Variants in MACROD2 observed in about 807,000 individuals in gnomAD.
MACROD2 encodes the protein mono-ADP ribosylhydrolase 2.
A neutral mutation model predicts 70.4 loss-of-function variants in MACROD2; 36 were observed. The observed-to-expected ratio is 0.51, with a 90% CI of 0.39 to 0.68. MACROD2 has a LOEUF of 0.68. Among genes scored for constraint, MACROD2 ranks in the 30% least tolerant of loss-of-function variants. The probability of loss-of-function intolerance (pLI) is 0.00; values close to 1 mark genes in which losing one functional copy is unlikely to be tolerated. For missense variants in MACROD2, 496 were observed against 538.4 expected (o/e 0.92, Z 0.78); for synonymous variants, 172 against 178.8 (o/e 0.96, Z 0.30).
intron 4 of MACROD2, among the ~76,000 whole-genome samples, chr20:14,618,458 G>C (rs1383868158): frequency 6.6e-6 from 1 of 152,114 alleles, no homozygotes; most frequent in Admixed American, 6.5e-5. Context: ...TAGGATTGCT[G>C]TGAGGATTAC....
intron 3 of MACROD2, chr20:14,327,084 A>G (rs2122580935): frequency 6.2e-7 from 1 of 1,613,814 alleles, no homozygotes; most frequent in East Asian, 2.2e-5. Context: ...TGCTAACTGC[A>G]GAGACAGAGT....
chr20:15,249,919 C>G (rs1945122294), intron 6 of MACROD2, among the ~76,000 whole-genome samples: 1 of 152,130 alleles, frequency 6.6e-6, no homozygotes, highest in Admixed American at 6.6e-5. Context: ...ATTATTTTTC[C>G]CTTTATATGT....
chr20:15,765,660 A>G (rs1411334427), intron 8 of MACROD2, among the ~76,000 whole-genome samples: 1 of 152,228 alleles, frequency 6.6e-6, no homozygotes, highest in Non-Finnish European at 1.5e-5. Flanking sequence ...AAAACATAAA[A>G]AGTTAATGAG....
intron 8 of MACROD2, among the ~76,000 whole-genome samples, chr20:15,785,527 G>C (rs1418249674): frequency 6.6e-6 from 1 of 152,126 alleles, no homozygotes; most frequent in African/African-American, 2.4e-5. Flanking sequence ...AAGGCAAACA[G>C]AAAAAGAGGG....
chr20:15,135,975 A>G (rs1284746321), intron 5 of MACROD2, among the ~76,000 whole-genome samples: 1 of 149,202 alleles, frequency 6.7e-6, no homozygotes, highest in Non-Finnish European at 1.5e-5. Flanking sequence ...CTTCAAAGAG[A>G]ATAACATACC....
chr20:15,036,959 ATAATCT>A (rs1170792725), intron 5 of MACROD2, among the ~76,000 whole-genome samples: 1 of 151,654 alleles, frequency 6.6e-6, no homozygotes, highest in African/African-American at 2.4e-5. Flanking sequence ...TAATTATAAA[ATAATCT>A]TTATGTGTTC....
At chr20:14,354,681 C>T (rs562671120) in intron 3 of MACROD2, among the ~76,000 whole-genome samples, 2 of 152,210 alleles carry the variant, frequency 1.3e-5, no homozygotes, top group African/African-American at 4.8e-5. Context: ...TGCTGAGGTT[C>T]GGGGTACAAA....
At chr20:14,884,040 C>T (rs1348499519) in intron 5 of MACROD2, among the ~76,000 whole-genome samples, 2 of 152,120 alleles carry the variant, frequency 1.3e-5, no homozygotes, top group Non-Finnish European at 2.9e-5. Flanking sequence ...TAACTCCTTT[C>T]AGGATCATCC....
At chr20:16,003,448 C>T (rs1412085835) in intron 15 of MACROD2, among the ~76,000 whole-genome samples, 1 of 151,962 alleles carries the variant, frequency 6.6e-6, no homozygotes, top group East Asian at 1.9e-4. Context: ...AGCAAATAAG[C>T]AGAGTTTGGA....
intron 4 of MACROD2, among the ~76,000 whole-genome samples, chr20:14,606,081 G>A (rs1462943530): frequency 6.6e-6 from 1 of 152,102 alleles, no homozygotes; most frequent in South Asian, 2.1e-4. Context: ...AATAGAATGG[G>A]CGCTTGTTAC....
At chr20:14,402,687 C>T (rs2083650088) in intron 3 of MACROD2, among the ~76,000 whole-genome samples, 1 of 152,132 alleles carries the variant, frequency 6.6e-6, no homozygotes. Context: ...ACTTGATGCC[C>T]TTTTCTTTAG....
chr20:14,679,618 A>G (rs1000678377), intron 4 of MACROD2, among the ~76,000 whole-genome samples: 7 of 152,196 alleles, frequency 4.6e-5, no homozygotes, highest in Non-Finnish European at 8.8e-5. Flanking sequence ...TAGATTAGAG[A>G]ATTTTAAACT....
At chr20:14,897,604 C>G (rs1471091964) in intron 5 of MACROD2, among the ~76,000 whole-genome samples, 1 of 151,802 alleles carries the variant, frequency 6.6e-6, no homozygotes, top group African/African-American at 2.4e-5. Flanking sequence ...TTTCAAACAA[C>G]AGAAATTGAC....
intron 4 of MACROD2, among the ~76,000 whole-genome samples, chr20:14,518,338 T>C (rs2085126250): frequency 1.3e-5 from 2 of 152,174 alleles, no homozygotes; most frequent in South Asian, 2.1e-4. Flanking sequence ...ACAAAGACTG[T>C]CTTTTCTTCA....
At chr20:15,560,790 A>AAAAAAAAAAAAAAAAAC (rs2048233233) in intron 8 of MACROD2, among the ~76,000 whole-genome samples, 1 of 148,828 alleles carries the variant, frequency 6.7e-6, no homozygotes. Flanking sequence ...AAAAAAAAAA[A>AAAAAAAAAAAAAAAAAC]AGACTGATCA....
chr20:15,510,019 A>AC (rs557463065), intron 8 of MACROD2, among the ~76,000 whole-genome samples: 2 of 152,038 alleles, frequency 1.3e-5, no homozygotes, highest in South Asian at 2.1e-4. Flanking sequence ...ATGATTACCA[A>AC]CCCCCATATG....
At position 14,226,888 on chromosome 20, in the gene MACROD2, G is replaced by A. The variant is rs536233734; in HGVS notation, c.271+141160G>A. 3.1e-3 allele frequency among the ~76,000 whole-genome samples: 478 copies of A among 152,356 alleles called. 9 individuals carry two copies. The highest frequency in any genetic ancestry group is 3.2e-4 in the Non-Finnish European group (22 of 68,040). ...ATCGACCACCCAAGGGCTGAGGAGT[G>A]CGGGCGCACAGCGCGGGACTGGCAG... On this transcript the variant is annotated intron_variant, in intron 3 of 17. Coordinates refer to ENST00000684519, the MANE Select transcript of MACROD2 (RefSeq NM_001351661.2).
At chr20:14,756,988 A>C (rs1363335661) in intron 5 of MACROD2, among the ~76,000 whole-genome samples, 2 of 152,104 alleles carry the variant, frequency 1.3e-5, no homozygotes, top group Non-Finnish European at 2.9e-5. Flanking sequence ...CCATGACTGT[A>C]AGTTTCCTGA....
intron 3 of MACROD2, among the ~76,000 whole-genome samples, chr20:14,386,237 TG>T (rs2122786785): frequency 6.6e-6 from 1 of 152,344 alleles, no homozygotes; most frequent in South Asian, 2.1e-4. Context: ...TCTGACTTTA[TG>T]TACAGCTATG....
Sources: allele counts gnomAD v4.1 joint callset (sites outside exome capture counted in the v4.1 genomes callset), GRCh38; gene constraint gnomAD v4.1.1; transcripts MANE v1.5; gene names NCBI Gene and HGNC (gene_info 2026-07-23, HGNC 2026-07-21).